The following LAMB4 variants were observed in gnomAD, a reference collection of about 807,000 sequenced individuals.
The protein encoded by LAMB4 is laminin subunit beta 4, also known as laminin subunit beta-4.
LAMB4 carries 196 observed loss-of-function variants against 199.2 expected under a neutral mutation model. The ratio of observed to expected loss-of-function variants is 0.98; its 90% confidence interval spans 0.88 to 1.11. The LOEUF is 1.11. Among genes scored for constraint, LAMB4 ranks in the 50% least tolerant of loss-of-function variants. The probability of loss-of-function intolerance (pLI) is 0.00; values close to 1 mark genes in which losing one functional copy is unlikely to be tolerated. For missense variants in LAMB4, 2,080 were observed against 2,171.2 expected, an observed-to-expected ratio of 0.96 and a Z score of 0.83; for synonymous variants, 744 against 770.6, an observed-to-expected ratio of 0.97 and a Z score of 0.57.
rs748603758 is a variant in LAMB4 at position 108,105,977 on chromosome 7, C to G, written c.710G>C (p.Gly237Ala). 4.3e-6 allele frequency: 7 copies of G among 1,614,028 alleles called. No homozygotes were observed. The highest frequency in any genetic ancestry group is 5.9e-6 in the Non-Finnish European group (7 of 1,180,032). The change falls in exon 8 of 34, where the codon GGG (glycine) becomes GCG (alanine). Residue 237 changes from glycine (G) to alanine (A), a missense_variant. By Grantham distance (60) the Gly-to-Ala change is moderately conservative (BLOSUM62 0). Coordinates refer to ENST00000388781, the MANE Select transcript of LAMB4 (RefSeq NM_007356.3). ...RINFTKLHTLGDALLGRRQND... is the reference protein window; with the variant it reads ...RINFTKLHTLADALLGRRQND... ...TTGCCTCCTTCCAAGCAAAGCATCCCCAAGGGTGTGGAGCTTGGTAAAGTT... is the reference window on the plus strand; with the variant it reads ...TTGCCTCCTTCCAAGCAAAGCATCCGCAAGGGTGTGGAGCTTGGTAAAGTT...
In LAMB4 at chr7:108,092,434, TCAGCTGATTC is replaced by T. The variant is rs762056892; in HGVS notation, c.1471-28_1471-19del. The stretch of plus-strand genomic sequence containing the variant: ...TATCCAACCTACAGAGAAAAAATGC[TCAGCTGATTC>T]CAGCTATGAAGATGCTGTTGCTCTG... On this transcript the variant is annotated intron_variant, in intron 12 of 33. Transcript: ENST00000388781. 3.8e-5 allele frequency: 60 copies of T among 1,592,810 alleles called. No homozygotes were observed.
intron 17 of LAMB4, among the ~76,000 whole-genome samples, chr7:108,074,156 G>A (rs2150568887): frequency 6.6e-6 from 1 of 152,018 alleles, no homozygotes; most frequent in African/African-American, 2.4e-5. Context: ...CTCCTCTCAG[G>A]AACACACCCT....
At chr7:108,072,398 A>G (rs2036563425) in intron 17 of LAMB4, among the ~76,000 whole-genome samples, 1 of 152,134 alleles carries the variant, frequency 6.6e-6, no homozygotes, top group Non-Finnish European at 1.5e-5. Flanking sequence ...TTTCCTTTGT[A>G]TTAATATTAG....
Position 108,088,148 on chromosome 7 carries a change from C to T in LAMB4, c.1701+3478G>A, listed in dbSNP as rs76566552. Among the ~76,000 whole-genome samples, 368 of 150,670 alleles carry T rather than the reference C, an allele frequency of 2.4e-3. 3 individuals are homozygous for T. Among genetic ancestry groups the T allele is most frequent in the African/African-American group, 8.5e-3 (349 of 41,084 alleles). On this transcript the variant is annotated intron_variant, in intron 14 of 33. Transcript: ENST00000388781. ...CTGGAAATACACATCACATTCCATG[C>T]AAAGCTGTTGCTAAAATCTTTTTTT...
the LAMB4 span, among the ~76,000 whole-genome samples, chr7:108,018,163 A>T: frequency 6.6e-6 from 1 of 152,228 alleles, no homozygotes; most frequent in African/African-American, 2.4e-5. Flanking sequence ...GCTTTTCTTT[A>T]TGTGCAAGTT....
chr7:108,022,989 T>C (rs2034723871), downstream of LAMB4, among the ~76,000 whole-genome samples: 1 of 152,058 alleles, frequency 6.6e-6, no homozygotes, highest in Non-Finnish European at 1.5e-5. Flanking sequence ...TTTTTTTGTA[T>C]TTTTAGTAGA....
chr7:108,016,494 G>C, the LAMB4 span, among the ~76,000 whole-genome samples: 3 of 152,136 alleles, frequency 2.0e-5, no homozygotes, highest in South Asian at 2.1e-4. Context: ...ATATCGGCCA[G>C]GTTGGTCTCA....
intron 31 of LAMB4, among the ~76,000 whole-genome samples, chr7:108,031,453 A>G (rs2035037317): frequency 6.6e-6 from 1 of 151,806 alleles, no homozygotes. Context: ...AGAATAAAAC[A>G]TTAACAATGA....
chr7:108,030,750 A>G (rs1037342286), intron 32 of LAMB4, 56 bp downstream of exon 32: 12 of 1,546,316 alleles, frequency 7.8e-6, no homozygotes, highest in African/African-American at 4.1e-5. Context: ...TTAAAGAACT[A>G]TCTTTCAAAG....
intron 18 of LAMB4, among the ~76,000 whole-genome samples, chr7:108,069,060 G>T (rs1353055068): frequency 6.6e-6 from 1 of 152,110 alleles, no homozygotes; most frequent in Admixed American, 6.5e-5. Context: ...TCATAGCTCT[G>T]TCCTAATGGA....
chr7:108,101,629 A>G (rs1342207827), intron 10 of LAMB4, among the ~76,000 whole-genome samples: 1 of 152,184 alleles, frequency 6.6e-6, no homozygotes, highest in Non-Finnish European at 1.5e-5. Context: ...GACACTGGGT[A>G]TTTGAAATCA....
chr7:108,060,144 A>G (rs997273686), intron 23 of LAMB4, among the ~76,000 whole-genome samples: 3 of 152,234 alleles, frequency 2.0e-5, no homozygotes, highest in African/African-American at 7.2e-5. Flanking sequence ...TGCAGAGACC[A>G]GTGTTCCCCC....
chr7:108,078,064 A>G, intron 16 of LAMB4, 137 bp downstream of exon 16: 1 of 637,882 alleles, frequency 1.6e-6, no homozygotes, highest in Non-Finnish European at 2.8e-6. Context: ...ATAGTGCAGC[A>G]CCCAGTAAGT....
intron 20 of LAMB4, 78 bp downstream of exon 20, chr7:108,066,291 C>G (rs2036337893): frequency 2.9e-6 from 3 of 1,048,290 alleles, no homozygotes; most frequent in Non-Finnish European, 4.3e-6. Context: ...TGTTGAGTCT[C>G]TACTCAATGG....
At chr7:108,030,416 G>A (rs922745827) in intron 32 of LAMB4, among the ~76,000 whole-genome samples, 1 of 152,108 alleles carries the variant, frequency 6.6e-6, no homozygotes, top group Non-Finnish European at 1.5e-5. Context: ...TCTTTGGCAG[G>A]TGACTTTCAT....
chr7:108,081,961 T>C (rs2036959988), intron 14 of LAMB4, among the ~76,000 whole-genome samples: 1 of 152,156 alleles, frequency 6.6e-6, no homozygotes, highest in African/African-American at 2.4e-5. Flanking sequence ...TGGGGGCATG[T>C]TTAAAGAGAC....
intron 28 of LAMB4, among the ~76,000 whole-genome samples, chr7:108,046,707 A>G (rs1336996082): frequency 6.6e-6 from 1 of 152,120 alleles, no homozygotes; most frequent in Non-Finnish European, 1.5e-5. Context: ...TGTTAAAACA[A>G]CTTTCTCAGT....
chr7:108,064,014 G>C (rs1250516471), intron 21 of LAMB4, 29 bp from the exon 22 acceptor site: 1 of 1,509,246 alleles, frequency 6.6e-7, no homozygotes, highest in Non-Finnish European at 9.2e-7. Context: ...AAAAGGAATG[G>C]GGTGAGGTAT....
chr7:108,093,228 G>A (rs557251579), intron 12 of LAMB4, among the ~76,000 whole-genome samples: 30 of 152,188 alleles, frequency 2.0e-4, no homozygotes, highest in South Asian at 4.2e-4. Flanking sequence ...CACCACGCTC[G>A]GCTGATTTTT....
Sources: allele counts gnomAD v4.1 joint callset (sites outside exome capture counted in the v4.1 genomes callset), GRCh38; gene constraint gnomAD v4.1.1; transcripts MANE v1.5; gene names NCBI Gene and HGNC (gene_info 2026-07-23, HGNC 2026-07-21).